Variants in OPRM1 observed in about 807,000 individuals in gnomAD.
OPRM1 encodes the protein mu-type opioid receptor.
A neutral mutation model predicts 31.8 loss-of-function variants in OPRM1; 27 were observed. That is an observed-to-expected ratio of 0.85 (90% confidence interval 0.63 to 1.17). The LOEUF (loss-of-function observed/expected upper bound fraction) is 1.17. Ranked by LOEUF, OPRM1 falls within the 50% of genes most tolerant of loss-of-function variation. The probability of loss-of-function intolerance (pLI) is 0.00; values close to 1 mark genes in which losing one functional copy is unlikely to be tolerated. For synonymous variants in OPRM1, 196 were observed against 189.9 expected, an observed-to-expected ratio of 1.03 and a Z score of -0.26; for missense variants, 536 against 511.1, an observed-to-expected ratio of 1.05 and a Z score of -0.47.
chr6:154,151,597 G>A (rs1203779778), intron 3 of OPRM1, among the ~76,000 whole-genome samples: 1 of 152,070 alleles, frequency 6.6e-6, no homozygotes, highest in Non-Finnish European at 1.5e-5. Context: ...TGAAAGCTCT[G>A]GCCAGGTAAA....
At chr6:154,088,985 A>G (rs887180149) in intron 1 of OPRM1, among the ~76,000 whole-genome samples, 2 of 152,050 alleles carry the variant, frequency 1.3e-5, no homozygotes, top group African/African-American at 4.8e-5. Context: ...TTGTGCTTTG[A>G]GATTAAACTT....
intron 3 of OPRM1, among the ~76,000 whole-genome samples, chr6:154,186,595 C>A (rs992392982): frequency 6.6e-6 from 1 of 151,496 alleles, no homozygotes; most frequent in Non-Finnish European, 1.5e-5. Flanking sequence ...CTCGCTTTGT[C>A]GCCCAGGCTG....
At chr6:154,018,021 C>T (rs1366202049) in intron 1 of OPRM1, among the ~76,000 whole-genome samples, 1 of 152,142 alleles carries the variant, frequency 6.6e-6, no homozygotes, top group Non-Finnish European at 1.5e-5. Context: ...CAGCACTCCC[C>T]AGGGAAACCA....
At chr6:154,241,102 G>T (rs1780543256) in intron 3 of OPRM1, among the ~76,000 whole-genome samples, 1 of 151,946 alleles carries the variant, frequency 6.6e-6, no homozygotes, top group Non-Finnish European at 1.5e-5. Context: ...TGGGCGTGGT[G>T]GTGCACGCCT....
intron 1 of OPRM1, among the ~76,000 whole-genome samples, chr6:154,061,029 A>G (rs917641283): frequency 6.6e-6 from 1 of 152,208 alleles, no homozygotes; most frequent in African/African-American, 2.4e-5. Flanking sequence ...AAATTTGTGA[A>G]TTTAAACATA....
At chr6:154,098,914 C>A (rs1465264545) in intron 3 of OPRM1, among the ~76,000 whole-genome samples, 4 of 152,204 alleles carry the variant, frequency 2.6e-5, no homozygotes, top group African/African-American at 9.6e-5. Context: ...CCTTCACACT[C>A]AGAATTTGTT....
chr6:154,038,941 C>T (rs141152060), upstream of OPRM1, among the ~76,000 whole-genome samples: 2 of 152,116 alleles, frequency 1.3e-5, no homozygotes, highest in Non-Finnish European at 2.9e-5. Flanking sequence ...AATTGTGTGT[C>T]CCCCATTCCT....
intron 1 of OPRM1, among the ~76,000 whole-genome samples, chr6:154,049,052 G>A (rs1207362276): frequency 3.9e-5 from 6 of 152,046 alleles, no homozygotes; most frequent in African/African-American, 1.2e-4. Context: ...TAATGCATTC[G>A]TAACCTTGTT....
intron 3 of OPRM1, among the ~76,000 whole-genome samples, chr6:154,206,524 C>A (rs1777508154): frequency 6.6e-6 from 1 of 152,146 alleles, no homozygotes; most frequent in Admixed American, 6.5e-5. Flanking sequence ...GGCACTGGCT[C>A]TGACTTTAAG....
chr6:154,133,240 T>C (rs1309858136), downstream of OPRM1, among the ~76,000 whole-genome samples: 1 of 152,244 alleles, frequency 6.6e-6, no homozygotes, highest in Non-Finnish European at 1.5e-5. Context: ...TGTCCCTATA[T>C]GTAAAAATTT....
chr6:154,107,504 C>T (rs1168850562), intron 3 of OPRM1: 17 of 718,430 alleles, frequency 2.4e-5, no homozygotes, highest in Non-Finnish European at 3.9e-5. Context: ...AAATGCAAAG[C>T]CTTGGCCACT....
At chr6:154,043,138 C>T (rs1331670771) in intron 1 of OPRM1, among the ~76,000 whole-genome samples, 1 of 152,130 alleles carries the variant, frequency 6.6e-6, no homozygotes, top group African/African-American at 2.4e-5. Flanking sequence ...AAGTGGAGGG[C>T]TAGAAACTTT....
rs1043793155 is a variant in OPRM1 at position 154,086,939 on chromosome 6, C to T, written c.291-2887C>T. 3.4e-5 allele frequency: 33 copies of T among 983,462 alleles called. No homozygotes were observed. In the African/African-American group the frequency reaches 5.6e-4, roughly 17 times the overall value. 60.9% of individuals were successfully genotyped at this position (983,462 alleles called of 1,614,324 possible). ...AGCACCAAGGTCAATTATTCTAAATCTTAAAACCACAGTTTTAATTTTGCT... is the reference window on the plus strand; with the variant it reads ...AGCACCAAGGTCAATTATTCTAAATTTTAAAACCACAGTTTTAATTTTGCT... On this transcript the variant is annotated intron_variant, in intron 1 of 3. Coordinates refer to ENST00000330432, the MANE Select transcript of OPRM1 (RefSeq NM_000914.5).
intron 3 of OPRM1, among the ~76,000 whole-genome samples, chr6:154,229,234 C>T (rs562993339): frequency 6.6e-6 from 1 of 151,862 alleles, no homozygotes; most frequent in East Asian, 1.9e-4. Context: ...GGAATAAATA[C>T]ATGTGAAATA....
intron 1 of OPRM1, among the ~76,000 whole-genome samples, chr6:154,061,057 T>C (rs1307319841): frequency 6.6e-6 from 1 of 152,194 alleles, no homozygotes; most frequent in Non-Finnish European, 1.5e-5. Context: ...GTGGTGTATA[T>C]TCACTTCTGG....
intron 1 of OPRM1, among the ~76,000 whole-genome samples, chr6:154,028,018 C>T (rs1265281244): frequency 6.6e-6 from 1 of 152,160 alleles, no homozygotes; most frequent in African/African-American, 2.4e-5. Flanking sequence ...CTTTGCTTCT[C>T]CCTCCCCCAG....
At chr6:154,011,355 T>G (rs1777717402) in intron 1 of OPRM1, among the ~76,000 whole-genome samples, 1 of 152,126 alleles carries the variant, frequency 6.6e-6, no homozygotes, top group African/African-American at 2.4e-5. Context: ...TTGGACAACT[T>G]ATAGAGAAAT....
intron 3 of OPRM1, among the ~76,000 whole-genome samples, chr6:154,152,626 T>G (rs995302173): frequency 4.6e-5 from 7 of 151,470 alleles, no homozygotes; most frequent in Admixed American, 2.6e-4. Context: ...TCAAAAGTGA[T>G]TTTTTAATGC....
intron 3 of OPRM1, among the ~76,000 whole-genome samples, chr6:154,203,306 C>T (rs1177050418): frequency 2.0e-5 from 3 of 152,266 alleles, no homozygotes; most frequent in East Asian, 1.9e-4. Context: ...CTGATAGTCT[C>T]GGGGCCAGGT....
Sources: gnomAD v4.1 joint callset for allele counts (sites outside exome capture counted in the v4.1 genomes callset) on GRCh38, gnomAD v4.1.1 for gene constraint, MANE v1.5 for transcripts, NCBI Gene and HGNC (gene_info 2026-07-23, HGNC 2026-07-21) for gene names.